RGSL1: variants seen among roughly 807,000 people sequenced by gnomAD.
RGSL1 encodes the protein regulator of G protein signaling protein-like.
In RGSL1, 97 loss-of-function variants were observed where a neutral mutation model predicts 124.7. The observed-to-expected ratio is 0.78, with a 90% CI of 0.66 to 0.92. The LOEUF (loss-of-function observed/expected upper bound fraction) is 0.92. RGSL1 is among the 40% of genes least tolerant of loss of function. The pLI is 0.00. For missense variants in RGSL1, 1,233 were observed against 1,288.4 expected (o/e 0.96, Z 0.66); for synonymous variants, 424 against 438.1 (o/e 0.97, Z 0.40).
intron 15 of RGSL1, among the ~76,000 whole-genome samples, chr1:182,545,258 A>G (rs2102312177): frequency 6.6e-6 from 1 of 152,324 alleles, no homozygotes; most frequent in Admixed American, 6.5e-5. Flanking sequence ...CACAAAGAAA[A>G]GAATAGAAAC....
chr1:182,559,632 T>C (rs972551141), intron 21 of RGSL1, among the ~76,000 whole-genome samples: 1 of 152,220 alleles, frequency 6.6e-6, no homozygotes, highest in African/African-American at 2.4e-5. Flanking sequence ...CTTCACCTGG[T>C]TGGAAAAGTC....
Position 182,522,237 on chromosome 1 carries a change from C to A in RGSL1, c.1931+128C>A, listed in dbSNP as rs940320736. 6.0e-6 allele frequency: 4 copies of A among 663,936 alleles called. No individual in the cohort carries two copies. In the South Asian group the frequency reaches 7.0e-5, roughly 12 times the overall value. 41.1% of individuals were successfully genotyped at this position (663,936 alleles called of 1,614,324 possible). ...GACCCTTTTCCATATACAATACATA[C>A]AGGTACAGACACTCTTAGTATTTTA... On this transcript the variant is annotated intron_variant, in intron 10 of 21. Coordinates refer to ENST00000294854, the MANE Select transcript of RGSL1 (RefSeq NM_001137669.2).
At chr1:182,468,750 C>T (rs1351599435) in intron 4 of RGSL1, among the ~76,000 whole-genome samples, 1 of 151,362 alleles carries the variant, frequency 6.6e-6, no homozygotes, top group Non-Finnish European at 1.5e-5. Flanking sequence ...TACCCTAAAA[C>T]TTAAAGTATA....
Position 182,454,108 on chromosome 1 carries a change from G to T in RGSL1, c.96+68G>T. On this transcript the variant is annotated intron_variant, in intron 2 of 21. Transcript: ENST00000294854. ...TGAATAGTGAATCTCACAGAGCTGA[G>T]TGACTTTTTTTGTTTGTTTGTTGTT... 4 of 928,202 alleles carry T rather than the reference G, an allele frequency of 4.3e-6. No individual in the cohort carries two copies. The Admixed American group carries it at 9.1e-5, about 21-fold the overall frequency. The allele number at this position is 928,202 out of a possible 1,614,324, so 57.5% of individuals were successfully genotyped here. A position where few individuals can be genotyped will look rare whatever the true frequency, so the allele number is the denominator to read the frequency against.
chr1:182,530,180 C>T, intron 11 of RGSL1, 64 bp from the exon 12 acceptor site: 1 of 1,245,412 alleles, frequency 8.0e-7, no homozygotes, highest in African/African-American at 1.6e-5. Context: ...AAACAAAAAA[C>T]CACCAGCTAT....
Position 182,540,272 on chromosome 1 carries a change from G to A in RGSL1, c.2520G>A (p.Ser840=). 1.2e-5 allele frequency: 18 copies of A among 1,550,458 alleles called. No homozygotes were observed. Among genetic ancestry groups the A allele is most frequent in the South Asian group, 7.2e-5 (6 of 83,830 alleles). Reference sequence around the variant, plus strand: ...ATTTCACCACAGCACACAACACATCGGGACGTTCAGCTCCACCCTCCACAA... The same window carrying A: ...ATTTCACCACAGCACACAACACATCAGGACGTTCAGCTCCACCCTCCACAA... ...KENFTTAHNT[S]GRSAPPSTNV... is the part of the protein sequence containing the mutation. The change falls in exon 15 of 22, where the codon TCG becomes TCA. Residue 840 remains serine (S), a synonymous_variant. Coordinates refer to ENST00000294854, the MANE Select transcript of RGSL1 (RefSeq NM_001137669.2).
intron 8 of RGSL1, 107 bp downstream of exon 8, chr1:182,489,309 G>T: frequency 3.0e-6 from 3 of 999,036 alleles, no homozygotes; most frequent in Non-Finnish European, 1.5e-6. Flanking sequence ...TGCAGTGCAG[G>T]GATTACCTAA....
At chr1:182,516,216 G>A (rs1056896609) in intron 9 of RGSL1, among the ~76,000 whole-genome samples, 7 of 152,218 alleles carry the variant, frequency 4.6e-5, no homozygotes, top group African/African-American at 1.7e-4. Context: ...CAACATTCAG[G>A]CACAAAAGCA....
intron 9 of RGSL1, among the ~76,000 whole-genome samples, chr1:182,501,569 T>C (rs1486131032): frequency 1.3e-5 from 2 of 152,112 alleles, no homozygotes; most frequent in Admixed American, 6.6e-5. Context: ...TCCTCCTGCC[T>C]CTGCCTCCAA....
chr1:182,459,220 G>A (rs1464625124), intron 3 of RGSL1, among the ~76,000 whole-genome samples: 1 of 152,136 alleles, frequency 6.6e-6, no homozygotes, highest in Admixed American at 6.6e-5. Context: ...CCAGAGGCAT[G>A]TTTTTCTCCC....
intron 9 of RGSL1, among the ~76,000 whole-genome samples, chr1:182,497,001 C>CCAATGTATATGATACATGTGATA (rs1287993708): frequency 3.3e-5 from 5 of 151,688 alleles, no homozygotes; most frequent in African/African-American, 7.3e-5. Context: ...TTTATCTTGC[C>CCAATGTATATGATACATGTGATA]CAATGTATAT....
At chr1:182,518,303 T>C (rs2439865) in intron 9 of RGSL1, among the ~76,000 whole-genome samples, 131,540 of 152,178 alleles carry the variant, frequency 0.86, 57,177 homozygotes, top group Non-Finnish European at 0.89. Flanking sequence ...AACCTCAGAA[T>C]TGCCTCAGTT....
At chr1:182,548,884 G>A in intron 17 of RGSL1, 60 bp downstream of exon 17, 2 of 1,534,274 alleles carry the variant, frequency 1.3e-6, no homozygotes, top group East Asian at 2.5e-5. Context: ...AGTTTGGAGA[G>A]AGTTTTCTGC....
intron 9 of RGSL1, among the ~76,000 whole-genome samples, chr1:182,511,891 G>A (rs188586033): frequency 1.3e-5 from 2 of 152,122 alleles, no homozygotes; most frequent in East Asian, 1.9e-4. Flanking sequence ...TTTCATTTGT[G>A]TATATCTTCT....
intron 11 of RGSL1, among the ~76,000 whole-genome samples, chr1:182,528,139 C>G (rs1658891325): frequency 6.6e-6 from 1 of 151,994 alleles, no homozygotes; most frequent in African/African-American, 2.4e-5. Context: ...AGAATGAGTG[C>G]CAAATGAAGG....
At position 182,488,493 on chromosome 1, in the gene RGSL1, T is replaced by C. The variant is rs1655261864; in HGVS notation, c.1494+146T>C. On this transcript the variant is annotated intron_variant, in intron 7 of 21. Coordinates refer to ENST00000294854, the MANE Select transcript of RGSL1 (RefSeq NM_001137669.2). ...CAAAGATCAGCATGGTCCCTGTTGT[T>C]CTAAAGCTAAACCTCTCAAGGAAAA... The C allele has an allele frequency of 8.9e-6, 7 of 787,374 alleles. No individual in the cohort carries two copies. The South Asian group carries it at 1.2e-4, about 13-fold the overall frequency. 48.8% of individuals were successfully genotyped at this position (787,374 alleles called of 1,614,324 possible).
chr1:182,551,263 G>A, intron 18 of RGSL1, 54 bp downstream of exon 18: 1 of 1,442,622 alleles, frequency 6.9e-7, no homozygotes, highest in Non-Finnish European at 9.5e-7. Context: ...GACTTGTGAA[G>A]AGAAAGCAAG....
intron 15 of RGSL1, among the ~76,000 whole-genome samples, chr1:182,545,530 TGTTA>T (rs1468886693): frequency 6.6e-6 from 1 of 152,210 alleles, no homozygotes; most frequent in Non-Finnish European, 1.5e-5. Context: ...CCTTCTTGCG[TGTTA>T]GTGTCATTTT....
chr1:182,457,006 G>T (rs186307312), intron 2 of RGSL1, among the ~76,000 whole-genome samples: 1 of 152,222 alleles, frequency 6.6e-6, no homozygotes, highest in African/African-American at 2.4e-5. Flanking sequence ...AATTAGCTAG[G>T]TATGGTGGCG....
Sources: allele counts gnomAD v4.1 joint callset (sites outside exome capture counted in the v4.1 genomes callset), GRCh38; gene constraint gnomAD v4.1.1; transcripts MANE v1.5; gene names NCBI Gene and HGNC (gene_info 2026-07-23, HGNC 2026-07-21).